Variants in FAR2 observed in about 807,000 individuals in gnomAD.
FAR2 encodes epididymis secretory protein Li 81.
A neutral mutation model predicts 56.0 loss-of-function variants in FAR2; 19 were observed. The observed-to-expected ratio is 0.34, with a 90% confidence interval of 0.24 to 0.50. FAR2 has a LOEUF of 0.50. Among genes scored for constraint, FAR2 ranks in the 20% least tolerant of loss-of-function variants. FAR2 has a pLI of 0.98. For missense variants in FAR2, 508 were observed against 642.2 expected, an observed-to-expected ratio of 0.79 and a Z score of 2.26; for synonymous variants, 219 against 218.8, an observed-to-expected ratio of 1.00 and a Z score of -0.01.
At chr12:29,318,354 A>T (rs971124436) in intron 9 of FAR2, among the ~76,000 whole-genome samples, 1 of 152,220 alleles carries the variant, frequency 6.6e-6, no homozygotes, top group African/African-American at 2.4e-5. Context: ...AGAAAACCCA[A>T]ATATTGTAGG....
intron 1 of FAR2, among the ~76,000 whole-genome samples, chr12:29,151,108 C>T (rs1227259374): frequency 6.6e-6 from 1 of 152,166 alleles, no homozygotes; most frequent in African/African-American, 2.4e-5. Context: ...TTCTTGAGTG[C>T]ATTTGTTTCT....
At chr12:29,266,775 C>A (rs895061681) in intron 1 of FAR2, among the ~76,000 whole-genome samples, 3 of 151,960 alleles carry the variant, frequency 2.0e-5, no homozygotes, top group African/African-American at 4.8e-5. Flanking sequence ...AATATATATA[C>A]CTACTATGTA....
chr12:29,293,419 C>A lies in FAR2; in HGVS notation c.309C>A (p.Ser103=). 1 of 1,610,880 alleles carries A rather than the reference C, an allele frequency of 6.2e-7. No individual in the cohort carries two copies. The highest frequency in any genetic ancestry group is 1.1e-5 in the South Asian group (1 of 90,448). ...AAGAGGACATGCAGGAGCTTCTCTC[C>A]TGTACAAACATAATATTTCACTGTG... ...ISKEDMQELL[S]CTNIIFHCAA... The change falls in exon 3 of 12, where the codon TCC becomes TCA. Residue 103 remains serine, a synonymous_variant. Coordinates refer to ENST00000536681, the MANE Select transcript of FAR2 (RefSeq NM_001271783.2).
At chr12:29,274,153 A>G (rs1319334439) in intron 2 of FAR2, among the ~76,000 whole-genome samples, 3 of 150,746 alleles carry the variant, frequency 2.0e-5, no homozygotes, top group Admixed American at 2.0e-4. Context: ...TTAACTCGTC[A>G]TTTAACATTA....
chr12:29,248,904 G>A lies in FAR2; in HGVS notation c.-38-21508G>A, dbSNP rs953891956. 5.9e-5 allele frequency among the ~76,000 whole-genome samples: 9 copies of A among 152,328 alleles called. No homozygotes were observed. In the East Asian group the frequency reaches 7.7e-4, roughly 13 times the overall value. On this transcript the variant is annotated intron_variant, in intron 1 of 11. Coordinates refer to ENST00000536681, the MANE Select transcript of FAR2 (RefSeq NM_001271783.2). ...AGAGATATATGGCTCTGTTCCGCCC[G>A]GCTCACCGGCGGTCAGAGTTTAAGG...
chr12:29,286,464 A>G (rs1565505395), intron 2 of FAR2, among the ~76,000 whole-genome samples: 1 of 152,184 alleles, frequency 6.6e-6, no homozygotes, highest in East Asian at 1.9e-4. Context: ...TTCTGAGTTA[A>G]TATCAGTGTT....
At chr12:29,254,469 G>A (rs1258333317) in intron 1 of FAR2, among the ~76,000 whole-genome samples, 1 of 152,058 alleles carries the variant, frequency 6.6e-6, no homozygotes, top group Non-Finnish European at 1.5e-5. Context: ...TGAGTAGCTG[G>A]GATTACAGGA....
chr12:29,234,420 C>G (rs1213028130), intron 1 of FAR2, among the ~76,000 whole-genome samples: 1 of 152,116 alleles, frequency 6.6e-6, no homozygotes, highest in Non-Finnish European at 1.5e-5. Flanking sequence ...TCACAAAGTC[C>G]TGATGTTTTT....
intron 2 of FAR2, chr12:29,280,680 G>A (rs1948771983): frequency 6.6e-6 from 1 of 152,188 alleles, no homozygotes; most frequent in South Asian, 2.1e-4. Flanking sequence ...GTCATTCAAG[G>A]ATCCATGCTA....
intron 1 of FAR2, among the ~76,000 whole-genome samples, chr12:29,191,749 G>C (rs544183642): frequency 2.0e-5 from 3 of 152,298 alleles, no homozygotes; most frequent in Admixed American, 2.0e-4. Context: ...TGCATTAACA[G>C]GCTCTTGCAT....
At chr12:29,244,743 C>T (rs1479924633) in intron 1 of FAR2, among the ~76,000 whole-genome samples, 2 of 152,130 alleles carry the variant, frequency 1.3e-5, no homozygotes, top group Non-Finnish European at 2.9e-5. Context: ...ACAAATGCAG[C>T]TAGAGACAAG....
chr12:29,162,297 A>C (rs957291823), intron 1 of FAR2, among the ~76,000 whole-genome samples: 3 of 152,222 alleles, frequency 2.0e-5, no homozygotes, highest in African/African-American at 7.2e-5. Context: ...TTCCATGTGG[A>C]TATTCAATTG....
intron 1 of FAR2, among the ~76,000 whole-genome samples, chr12:29,256,123 C>T (rs1013325335): frequency 2.0e-5 from 3 of 152,124 alleles, no homozygotes; most frequent in South Asian, 2.1e-4. Flanking sequence ...CCACCCACCT[C>T]GGCCTCCCAG....
chr12:29,275,489 G>A (rs2012291), intron 2 of FAR2, among the ~76,000 whole-genome samples: 1 of 151,998 alleles, frequency 6.6e-6, no homozygotes. Flanking sequence ...GTAATGGGAT[G>A]GCTGGGTCAA....
At chr12:29,277,960 G>C (rs1948729318) in intron 2 of FAR2, 2 of 137,296 alleles carry the variant, frequency 1.5e-5, no homozygotes, top group African/African-American at 2.8e-5. Flanking sequence ...TTTGAGATAG[G>C]GTCTCACTCT....
intron 1 of FAR2, among the ~76,000 whole-genome samples, chr12:29,188,039 C>T: frequency 6.6e-6 from 1 of 152,164 alleles, no homozygotes; most frequent in Admixed American, 6.5e-5. Context: ...GTATAGACTG[C>T]TCATCCCATC....
At chr12:29,300,629 AGTT>A (rs34282694) in intron 4 of FAR2, among the ~76,000 whole-genome samples, 58 of 150,206 alleles carry the variant, frequency 3.9e-4, no homozygotes, top group African/African-American at 9.7e-4. Flanking sequence ...CCTGGGGGAA[AGTT>A]GTTGTTGTTG....
intron 1 of FAR2, among the ~76,000 whole-genome samples, chr12:29,190,081 A>G (rs1950088162): frequency 6.6e-6 from 1 of 152,168 alleles, no homozygotes; most frequent in African/African-American, 2.4e-5. Context: ...GGGGAATACT[A>G]GGGAAGGCGC....
Position 29,297,054 on chromosome 12 carries a change from G to A in FAR2, c.399G>A (p.Arg133=). Residue 133 remains arginine, a synonymous_variant, in exon 4 of 12, where the codon CGG becomes CGA. Coordinates refer to ENST00000536681, the MANE Select transcript of FAR2 (RefSeq NM_001271783.2). ...TGCAACTTAACGTCACTGCCACCCG[G>A]CAGCTCTTGCTTATGGCTAGTCAGA... is the stretch of plus-strand genomic sequence containing the variant. The part of the protein sequence containing the change: ...HAVQLNVTAT[R]QLLLMASQMP... 6.2e-7 allele frequency: 1 copy of A among 1,609,848 alleles called. No individual in the cohort carries two copies. The highest frequency in any genetic ancestry group is 8.5e-7 in the Non-Finnish European group (1 of 1,178,620).
Sources: allele counts gnomAD v4.1 joint callset (sites outside exome capture counted in the v4.1 genomes callset), GRCh38; gene constraint gnomAD v4.1.1; transcripts MANE v1.5; gene names NCBI Gene and HGNC (gene_info 2026-07-23, HGNC 2026-07-21).